The following LHFPL3 variants were observed in gnomAD, a reference collection of about 807,000 sequenced individuals.
LHFPL3 encodes the protein LHFPL tetraspan subfamily member 3 protein.
A neutral mutation model predicts 19.3 loss-of-function variants in LHFPL3; 5 were observed. The observed-to-expected ratio is 0.26, with a 90% CI of 0.14 to 0.54. The LOEUF is 0.54. Ranked by LOEUF, LHFPL3 falls within the 20% of genes least tolerant of loss-of-function variation. LHFPL3 has a pLI of 0.94. For missense variants in LHFPL3, 249 were observed against 307.4 expected, an observed-to-expected ratio of 0.81 and a Z score of 1.42; for synonymous variants, 133 against 126.2, an observed-to-expected ratio of 1.05 and a Z score of -0.36.
intron 1 of LHFPL3, among the ~76,000 whole-genome samples, chr7:104,370,901 T>G (rs1790601260): frequency 1.3e-5 from 2 of 152,236 alleles, no homozygotes; most frequent in South Asian, 4.1e-4. Flanking sequence ...ATGAGGATAT[T>G]GAGGCAGAGA....
chr7:104,685,083 A>C (rs1478527392), intron 1 of LHFPL3, among the ~76,000 whole-genome samples: 1 of 152,174 alleles, frequency 6.6e-6, no homozygotes, highest in African/African-American at 2.4e-5. Flanking sequence ...TATTGTTACC[A>C]CTAAGTAAAA....
chr7:104,460,854 C>T (rs1470230357), intron 1 of LHFPL3, among the ~76,000 whole-genome samples: 1 of 152,100 alleles, frequency 6.6e-6, no homozygotes, highest in East Asian at 1.9e-4. Context: ...TAATTAGCTC[C>T]TGTTTGTCAA....
At chr7:104,684,605 G>A (rs1173392999) in intron 1 of LHFPL3, among the ~76,000 whole-genome samples, 1 of 152,236 alleles carries the variant, frequency 6.6e-6, no homozygotes, top group African/African-American at 2.4e-5. Flanking sequence ...CAAACAGGCA[G>A]TGGGCCATAG....
At chr7:104,760,727 G>A (rs1442691715) in intron 2 of LHFPL3, among the ~76,000 whole-genome samples, 1 of 152,114 alleles carries the variant, frequency 6.6e-6, no homozygotes, top group Non-Finnish European at 1.5e-5. Context: ...CTCAAGAAGT[G>A]AGCAATTATT....
intron 1 of LHFPL3, among the ~76,000 whole-genome samples, chr7:104,609,785 T>C (rs1791177254): frequency 6.6e-6 from 1 of 152,156 alleles, no homozygotes; most frequent in Non-Finnish European, 1.5e-5. Flanking sequence ...GTGCAGTAAT[T>C]TAATAATACA....
At chr7:104,360,462 G>A (rs1790369952) in intron 1 of LHFPL3, among the ~76,000 whole-genome samples, 1 of 152,154 alleles carries the variant, frequency 6.6e-6, no homozygotes, top group Non-Finnish European at 1.5e-5. Context: ...CTCAGAGAAT[G>A]GGAAGCCAGA....
chr7:104,766,076 G>C (rs1021769522), intron 2 of LHFPL3, among the ~76,000 whole-genome samples: 2 of 152,166 alleles, frequency 1.3e-5, no homozygotes, highest in Non-Finnish European at 1.5e-5. Flanking sequence ...ACCATCATTT[G>C]TTCCTGAGTT....
chr7:104,462,260 C>G (rs905227058), intron 1 of LHFPL3, among the ~76,000 whole-genome samples: 1 of 152,160 alleles, frequency 6.6e-6, no homozygotes, highest in African/African-American at 2.4e-5. Flanking sequence ...TTGCTCTGGC[C>G]AGGACTTCCA....
chr7:104,537,056 G>T (rs569041635), intron 1 of LHFPL3, among the ~76,000 whole-genome samples: 1 of 152,260 alleles, frequency 6.6e-6, no homozygotes, highest in East Asian at 1.9e-4. Flanking sequence ...AATTTTAACT[G>T]CTGAACCCTT....
In LHFPL3 at chr7:104,750,363, A is replaced by G. The variant is rs547422665; in HGVS notation, c.682+13452A>G. On this transcript the variant is annotated intron_variant, in intron 2 of 2. Coordinates refer to ENST00000424859, the MANE Select transcript of LHFPL3 (RefSeq NM_199000.3). ...CCCAATATGCAGCCTTTCCTGTCGGATCAGTGCTTCCAAACCCTCCTATTC... is the reference window on the plus strand; with the variant it reads ...CCCAATATGCAGCCTTTCCTGTCGGGTCAGTGCTTCCAAACCCTCCTATTC... Among the ~76,000 whole-genome samples the G allele has an allele frequency of 2.6e-5, 4 of 152,316 alleles. No homozygotes were observed. The South Asian group carries it at 6.2e-4, about 24-fold the overall frequency.
chr7:104,659,965 T>C (rs1343875032), intron 1 of LHFPL3, among the ~76,000 whole-genome samples: 3 of 151,486 alleles, frequency 2.0e-5, no homozygotes, highest in South Asian at 2.1e-4. Context: ...ATCTTTCAAA[T>C]TGATGCCTTC....
At chr7:104,888,488 C>T (rs907889746) in intron 2 of LHFPL3, among the ~76,000 whole-genome samples, 1 of 152,170 alleles carries the variant, frequency 6.6e-6, no homozygotes, top group Admixed American at 6.6e-5. Context: ...TATGATCATG[C>T]CACTGCACTC....
At chr7:104,814,828 T>TG (rs569889963) in intron 2 of LHFPL3, among the ~76,000 whole-genome samples, 263 of 152,320 alleles carry the variant, frequency 1.7e-3, no homozygotes, top group African/African-American at 5.9e-3. Flanking sequence ...GTGGCCGGGC[T>TG]GGGTCCTGAC....
intron 1 of LHFPL3, among the ~76,000 whole-genome samples, chr7:104,563,556 G>A (rs560133005): frequency 8.4e-4 from 128 of 152,344 alleles, no homozygotes; most frequent in African/African-American, 2.6e-3. Context: ...CACGGTGCAC[G>A]CACCCACTGA....
chr7:104,829,030 CAAA>C (rs11291805), intron 2 of LHFPL3, among the ~76,000 whole-genome samples: 2 of 150,390 alleles, frequency 1.3e-5, no homozygotes, highest in Admixed American at 6.6e-5. Flanking sequence ...GACTCCATCT[CAAA>C]AAAAAAAGAG....
chr7:104,387,471 C>T (rs892395492), intron 1 of LHFPL3, among the ~76,000 whole-genome samples: 1 of 151,798 alleles, frequency 6.6e-6, no homozygotes, highest in Non-Finnish European at 1.5e-5. Context: ...AAAGAACCAG[C>T]AAAACTGGAG....
chr7:104,769,618 A>ACCCCCC (rs1220178079), intron 2 of LHFPL3, among the ~76,000 whole-genome samples: 6 of 148,166 alleles, frequency 4.0e-5, no homozygotes, highest in African/African-American at 1.0e-4. Context: ...AGCCCCCCCA[A>ACCCCCC]CCCCCGACAG....
At chr7:104,512,629 G>T (rs948361209) in intron 1 of LHFPL3, among the ~76,000 whole-genome samples, 2 of 152,010 alleles carry the variant, frequency 1.3e-5, no homozygotes, top group Non-Finnish European at 2.9e-5. Context: ...CCAGCTACTC[G>T]GGAGGCTGAG....
intron 1 of LHFPL3, among the ~76,000 whole-genome samples, chr7:104,410,718 CA>C (rs1791520694): frequency 1.3e-5 from 2 of 152,098 alleles, no homozygotes; most frequent in African/African-American, 4.8e-5. Flanking sequence ...AAAATATGTG[CA>C]AAAATGCATT....
Sources: gnomAD v4.1 joint callset for allele counts (sites outside exome capture counted in the v4.1 genomes callset) on GRCh38, gnomAD v4.1.1 for gene constraint, MANE v1.5 for transcripts, NCBI Gene and HGNC (gene_info 2026-07-23, HGNC 2026-07-21) for gene names.